HELLS: variants seen among roughly 807,000 people sequenced by gnomAD.
HELLS encodes the protein lymphoid-specific helicase.
In HELLS, 32 loss-of-function variants were observed where a neutral mutation model predicts 120.0. The observed-to-expected ratio is 0.27, with a 90% CI of 0.20 to 0.36. The LOEUF (loss-of-function observed/expected upper bound fraction) is 0.36, where lower values mean the gene tolerates loss of function less well. Among genes scored for constraint, HELLS ranks in the 10% least tolerant of loss-of-function variants. The pLI is 1.00. For missense variants in HELLS, 650 were observed against 993.4 expected (o/e 0.65, Z 4.65); for synonymous variants, 341 against 323.4 (o/e 1.05, Z -0.58).
intron 7 of HELLS, 109 bp from the exon 8 acceptor site, chr10:94,573,851 C>T: frequency 3.1e-6 from 2 of 646,206 alleles, no homozygotes; most frequent in South Asian, 3.9e-5. Context: ...GTCTTCTATA[C>T]TTAATGATTA....
chr10:94,593,485 C>G lies in HELLS; in HGVS notation c.1972-14C>G, dbSNP rs746568159. 2 of 1,496,514 alleles carry G rather than the reference C, an allele frequency of 1.3e-6. No individual in the cohort carries two copies. The highest frequency in any genetic ancestry group is 1.9e-6 in the Non-Finnish European group (2 of 1,073,490). The allele number at this position is 1,496,514 out of a possible 1,614,324, so 92.7% of individuals were successfully genotyped here. A position where few individuals can be genotyped will look rare whatever the true frequency, so the allele number is the denominator to read the frequency against. ...TATTTTAATCTGTTGTATTTACATC[C>G]TTTTTGCTTTTAGATGCACAGCTTC... On this transcript the variant is annotated splice_polypyrimidine_tract_variant and intron_variant, in intron 17 of 21. Transcript: ENST00000348459.
chr10:94,575,971 A>G (rs1844458333), intron 9 of HELLS, among the ~76,000 whole-genome samples: 2 of 151,448 alleles, frequency 1.3e-5, no homozygotes, highest in Admixed American at 1.3e-4. Context: ...CTAATTTTGT[A>G]TTTTTAGTAG....
chr10:94,577,485 A>G (rs1476757100), intron 10 of HELLS: 3 of 158,398 alleles, frequency 1.9e-5, no homozygotes, highest in Admixed American at 1.2e-4. Context: ...CAAAACACAT[A>G]AGTCATAAAT....
Position 94,588,369 on chromosome 10 carries a change from A to G in HELLS, c.1467A>G (p.Ala489=). The G allele has an allele frequency of 6.2e-7, 1 of 1,604,276 alleles. No homozygotes were observed. The highest frequency in any genetic ancestry group is 8.5e-7 in the Non-Finnish European group (1 of 1,175,458). ...CAGCCATTGTGAACCGTACAATTGC[A>G]AACATGTTTGGATCCAGTGAGGTAT... is the stretch of plus-strand genomic sequence containing the variant. ...FYTAIVNRTI[A]NMFGSSEKET... is the part of the protein sequence containing the mutation. The change falls in exon 13 of 22, where the codon GCA becomes GCG. Residue 489 remains alanine (A), a synonymous_variant. Coordinates refer to ENST00000348459, the MANE Select transcript of HELLS (RefSeq NM_018063.5).
chr10:94,575,769 G>GC (rs1844430613), intron 9 of HELLS, among the ~76,000 whole-genome samples: 1 of 89,720 alleles, frequency 1.1e-5, no homozygotes, highest in Non-Finnish European at 2.1e-5. Flanking sequence ...GGGGGGTTGT[G>GC]TTTGTGTGTG....
At chr10:94,593,786 C>T (rs1480153092) in intron 18 of HELLS, among the ~76,000 whole-genome samples, 171 bp downstream of exon 18, 1 of 151,852 alleles carries the variant, frequency 6.6e-6, no homozygotes, top group Non-Finnish European at 1.5e-5. Flanking sequence ...CCTCAGCCCC[C>T]TGAGTAGCTG....
At chr10:94,585,393 T>G (rs1845083424) in intron 12 of HELLS, among the ~76,000 whole-genome samples, 2 of 149,522 alleles carry the variant, frequency 1.3e-5, no homozygotes, top group African/African-American at 4.9e-5. Context: ...TTGTTTTTTT[T>G]TTTGTTTTTT....
chr10:94,553,576 C>T (rs1184165904), intron 2 of HELLS, among the ~76,000 whole-genome samples: 3 of 112,114 alleles, frequency 2.7e-5, no homozygotes, highest in South Asian at 2.8e-4. Flanking sequence ...TTTTTTGGTA[C>T]GGAGTTTTGC....
intron 6 of HELLS, among the ~76,000 whole-genome samples, chr10:94,565,600 G>T (rs1843752268): frequency 6.6e-6 from 1 of 151,992 alleles, no homozygotes; most frequent in Non-Finnish European, 1.5e-5. Flanking sequence ...TGAGGCAGGA[G>T]AATTGCTTGA....
At position 94,562,756 on chromosome 10, in the gene HELLS, A is replaced by C. The variant is rs1407893954; in HGVS notation, c.370+29A>C. On this transcript the variant is annotated intron_variant, in intron 5 of 21. Coordinates refer to ENST00000348459, the MANE Select transcript of HELLS (RefSeq NM_018063.5). The stretch of plus-strand genomic sequence containing the variant: ...AATATCCTTATTCTAGTTTTGAAGA[A>C]TATGCGTTTATATTTCTATTTTAAT... 3 of 1,554,258 alleles carry C rather than the reference A, an allele frequency of 1.9e-6. No homozygotes were observed. The South Asian group carries it at 3.5e-5, about 18-fold the overall frequency.
intron 2 of HELLS, among the ~76,000 whole-genome samples, chr10:94,552,002 G>T (rs1843001217): frequency 1.3e-5 from 2 of 152,278 alleles, no homozygotes; most frequent in Admixed American, 1.3e-4. Context: ...GCCTCCCAAA[G>T]TGCTGGGATT....
At chr10:94,578,185 G>A (rs1425994555) in intron 10 of HELLS, among the ~76,000 whole-genome samples, 1 of 151,676 alleles carries the variant, frequency 6.6e-6, no homozygotes. Context: ...AGTGAGCTGT[G>A]ATTGCGCCAC....
intron 14 of HELLS, 42 bp downstream of exon 14, chr10:94,590,594 A>G: frequency 6.2e-7 from 1 of 1,609,640 alleles, no homozygotes. Flanking sequence ...TTAAACTGTG[A>G]CCATTTTTTG....
intron 12 of HELLS, chr10:94,583,960 C>G (rs754605478): frequency 3.7e-6 from 2 of 540,776 alleles, no homozygotes; most frequent in South Asian, 5.2e-5. Flanking sequence ...AAAACTACAC[C>G]TTTGCCCATT....
intron 9 of HELLS, among the ~76,000 whole-genome samples, chr10:94,576,170 G>T (rs1844470203): frequency 6.6e-6 from 1 of 152,078 alleles, no homozygotes; most frequent in African/African-American, 2.4e-5. Flanking sequence ...CTGGAGTGCA[G>T]TGGCGTCATT....
Position 94,594,574 on chromosome 10 carries a change from A to C in HELLS, c.2089-121A>C, listed in dbSNP as rs999787346. 12 of 627,552 alleles carry C rather than the reference A, an allele frequency of 1.9e-5. No individual in the cohort carries two copies. In the African/African-American group the frequency reaches 2.0e-4, roughly 11 times the overall value. The allele number at this position is 627,552 out of a possible 1,614,324, so 38.9% of individuals were successfully genotyped here. ...GTCTATGAAGCCACTCTGGAAGTTT[A>C]AATTAAGACACCACTATTTAAAAGT... On this transcript the variant is annotated intron_variant, in intron 18 of 21. Coordinates refer to ENST00000348459, the MANE Select transcript of HELLS (RefSeq NM_018063.5).
rs748488487 is a variant in HELLS, at chr10:94,574,019, G to A, written c.537G>A (p.Ser179=). ...CVEDLQKNKD[S]NSIIKDRLSE... Reference sequence around the variant, plus strand: ...AAGATCTTCAGAAAAATAAAGATTCGAATAGTATAATTAAAGATAGATTGT... The same window carrying A: ...AAGATCTTCAGAAAAATAAAGATTCAAATAGTATAATTAAAGATAGATTGT... The change falls in exon 8 of 22, where the codon TCG becomes TCA. Residue 179 remains serine, a synonymous_variant. Coordinates refer to ENST00000348459, the MANE Select transcript of HELLS (RefSeq NM_018063.5). 1.5e-5 allele frequency: 24 copies of A among 1,611,152 alleles called. No homozygotes were observed. Among genetic ancestry groups the A allele is most frequent in the African/African-American group, 1.5e-4 (11 of 74,760 alleles).
chr10:94,586,908 T>C (rs1845188698), intron 12 of HELLS, among the ~76,000 whole-genome samples: 1 of 152,066 alleles, frequency 6.6e-6, no homozygotes, highest in African/African-American at 2.4e-5. Context: ...TTGGCCAGGC[T>C]AGTCTCAAAC....
chr10:94,601,539 G>C lies in HELLS; in HGVS notation c.2434G>C (p.Ala812Pro). ...DRSDLIDQMN[A>P]SGPIKEKMGI... ...TGTTTTTCCCTTAGATCAAATGAAT[G>C]CTTCAGGACCAATTAAAGAGAAGAT... Residue 812 changes from alanine (A) to proline (P), a missense_variant, in exon 22 of 22, where the codon GCT becomes CCT. Ala to Pro is a conservative substitution (Grantham distance 27). This residue lies in a region of HELLS where 90 missense variants were observed against 109.2 expected (regional missense o/e 0.82). Coordinates refer to ENST00000348459, the MANE Select transcript of HELLS (RefSeq NM_018063.5). 3 of 1,528,888 alleles carry C rather than the reference G, an allele frequency of 2.0e-6. No individual in the cohort carries two copies. The highest frequency in any genetic ancestry group is 2.7e-6 in the Non-Finnish European group (3 of 1,110,376). The allele number at this position is 1,528,888 out of a possible 1,614,324, so 94.7% of individuals were successfully genotyped here.
Sources: allele counts gnomAD v4.1 joint callset (sites outside exome capture counted in the v4.1 genomes callset), GRCh38; gene constraint gnomAD v4.1.1; regional missense constraint gnomAD v4.1.1; transcripts MANE v1.5; gene names NCBI Gene and HGNC (gene_info 2026-07-23, HGNC 2026-07-21).